Variants in FBXO11 observed in about 807,000 individuals in gnomAD.
The protein encoded by FBXO11 is F-box only protein 11.
Under a neutral mutation model 117.0 loss-of-function variants are expected in FBXO11, and 13 were observed. That is an observed-to-expected ratio of 0.11 (90% CI 0.07 to 0.18). The LOEUF (loss-of-function observed/expected upper bound fraction) is 0.18, where lower values mean the gene tolerates loss of function less well. Among genes scored for constraint, FBXO11 ranks in the 10% least tolerant of loss-of-function variants. The pLI is 1.00. For missense variants in FBXO11, 767 were observed against 1,164.4 expected (o/e 0.66, Z 4.97); for synonymous variants, 490 against 380.5 (o/e 1.29, Z -3.35).
chr2:47,834,960 T>C (rs1309845297), intron 5 of FBXO11, 89 bp from the exon 6 acceptor site: 2 of 887,220 alleles, frequency 2.3e-6, no homozygotes, highest in Admixed American at 2.7e-5. Context: ...CAACTTTTAT[T>C]ACAAATCAAA....
In FBXO11 at chr2:47,858,696, A is replaced by G. The variant is rs187413757; in HGVS notation, c.233-18927T>C. On this transcript the variant is annotated intron_variant, in intron 1 of 22. Transcript: ENST00000403359. ...GACTCTGCCTCAAAAAAAAAAAAAA[A>G]AAAAGAAAAGAAAAATGAAAAACAT... 6.2e-4 allele frequency among the ~76,000 whole-genome samples: 93 copies of G among 150,768 alleles called. No individual in the cohort carries two copies. In the East Asian group the frequency reaches 8.8e-3, roughly 14 times the overall value.
At chr2:47,835,640 GGT>G (rs1183787082) in intron 5 of FBXO11, among the ~76,000 whole-genome samples, 2 of 152,048 alleles carry the variant, frequency 1.3e-5, no homozygotes, top group East Asian at 3.9e-4. Context: ...TGGGACTACA[GGT>G]GTGCGCCACC....
intron 1 of FBXO11, among the ~76,000 whole-genome samples, chr2:47,848,385 C>T (rs1233076518): frequency 1.3e-5 from 2 of 152,090 alleles, no homozygotes; most frequent in African/African-American, 4.8e-5. Context: ...AGGTTGTGCA[C>T]TTCTTATGAG....
At chr2:47,869,001 T>A (rs1312735029) in intron 1 of FBXO11, among the ~76,000 whole-genome samples, 1 of 152,220 alleles carries the variant, frequency 6.6e-6, no homozygotes. Context: ...AACAAAGAAG[T>A]GGCCTTTTGA....
chr2:47,906,220 C>CT lies in FBXO11; in HGVS notation c.-501dup, dbSNP rs940389364. 9.5e-5 allele frequency: 16 copies of CT among 167,822 alleles called. No individual in the cohort carries two copies. Among genetic ancestry groups the CT allele is most frequent in the Middle Eastern group, 2.9e-3 (1 of 342 alleles). The allele number at this position is 167,822 out of a possible 1,614,324, so 10.4% of individuals were successfully genotyped here. A position where few individuals can be genotyped will look rare whatever the true frequency, so the allele number is the denominator to read the frequency against. ...GGGAGGGAGCAGGGGGCGCCCGGCT[C>CT]TTTTTTTTCCCTCTTCCTCCCCCCC... On this transcript the variant is annotated 5_prime_UTR_variant, in exon 1 of 23. Transcript: ENST00000403359.
intron 1 of FBXO11, among the ~76,000 whole-genome samples, chr2:47,904,728 G>A (rs181486510): frequency 6.6e-6 from 1 of 152,220 alleles, no homozygotes; most frequent in African/African-American, 2.4e-5. Flanking sequence ...CAGGCGAGGG[G>A]GTGTCGATAG....
chr2:47,889,228 C>T (rs1299923382), intron 1 of FBXO11, among the ~76,000 whole-genome samples: 1 of 152,128 alleles, frequency 6.6e-6, no homozygotes, highest in African/African-American at 2.4e-5. Context: ...TGCTTTTCTT[C>T]CTTCTTCAGC....
intron 1 of FBXO11, among the ~76,000 whole-genome samples, chr2:47,899,396 T>C (rs941244698): frequency 3.9e-5 from 6 of 151,932 alleles, no homozygotes; most frequent in African/African-American, 1.5e-4. Context: ...GCTGATACAA[T>C]CCCTTACTTT....
intron 1 of FBXO11, among the ~76,000 whole-genome samples, chr2:47,886,331 T>G (rs1483401621): frequency 1.3e-5 from 2 of 151,522 alleles, no homozygotes; most frequent in Non-Finnish European, 2.9e-5. Context: ...ATGGTGAAAC[T>G]CCCGTCTCTA....
Position 47,823,128 on chromosome 2 carries a change from A to C in FBXO11, c.1616+15T>G. On this transcript the variant is annotated intron_variant, in intron 12 of 22. Transcript: ENST00000403359. The stretch of plus-strand genomic sequence containing the variant: ...AGTGAAAAAGTAATTTTCACCCATA[A>C]TTATATGTAAATACCTTATTGTTGG... The C allele has an allele frequency of 6.4e-7, 1 of 1,567,586 alleles. No individual in the cohort carries two copies. Among genetic ancestry groups the C allele is most frequent in the Non-Finnish European group, 8.7e-7 (1 of 1,150,606 alleles).
chr2:47,835,644 T>C (rs1875407), intron 5 of FBXO11, among the ~76,000 whole-genome samples: 103,033 of 151,888 alleles, frequency 0.68, 35,604 homozygotes, highest in East Asian at 0.89. Context: ...ACTACAGGTG[T>C]GCGCCACCAT....
chr2:47,829,585 C>A (rs1672028763), intron 11 of FBXO11, among the ~76,000 whole-genome samples: 3 of 152,000 alleles, frequency 2.0e-5, no homozygotes, highest in Admixed American at 6.6e-5. Context: ...CAACTCTGCA[C>A]TGAACTGAGT....
chr2:47,830,341 G>T (rs1672086975), intron 11 of FBXO11, among the ~76,000 whole-genome samples: 2 of 151,976 alleles, frequency 1.3e-5, no homozygotes, highest in Admixed American at 6.6e-5. Context: ...TTCTCGCATG[G>T]CAAGAATTCA....
intron 4 of FBXO11, among the ~76,000 whole-genome samples, chr2:47,837,657 C>T (rs769129295): frequency 1.3e-4 from 20 of 152,186 alleles, no homozygotes; most frequent in Non-Finnish European, 2.6e-4. Flanking sequence ...AACAGTCTGC[C>T]ATATTTGCTT....
chr2:47,868,612 T>G (rs758227652), intron 1 of FBXO11, among the ~76,000 whole-genome samples: 1 of 152,206 alleles, frequency 6.6e-6, no homozygotes, highest in Non-Finnish European at 1.5e-5. Context: ...AAATTCCAGT[T>G]CCCCAACCAT....
At chr2:47,899,147 A>G (rs1677904937) in intron 1 of FBXO11, among the ~76,000 whole-genome samples, 2 of 151,854 alleles carry the variant, frequency 1.3e-5, no homozygotes, top group Admixed American at 6.6e-5. Context: ...GGTGGTGGGC[A>G]CCTGTAGTCC....
chr2:47,866,687 T>C (rs1217269304), intron 1 of FBXO11, among the ~76,000 whole-genome samples: 2 of 152,072 alleles, frequency 1.3e-5, no homozygotes, highest in Non-Finnish European at 2.9e-5. Flanking sequence ...TTGGCCAGGA[T>C]GGTCTCGATC....
intron 1 of FBXO11, among the ~76,000 whole-genome samples, chr2:47,885,664 G>A (rs530854090): frequency 6.6e-6 from 1 of 152,274 alleles, no homozygotes; most frequent in South Asian, 2.1e-4. Context: ...TACAAGACTT[G>A]GAAAAGATTG....
intron 1 of FBXO11, among the ~76,000 whole-genome samples, chr2:47,843,438 T>C (rs1673166121): frequency 6.6e-6 from 1 of 152,160 alleles, no homozygotes. Context: ...AATCTTTTTT[T>C]TTTTTTTGCC....
Sources: gnomAD v4.1 joint callset for allele counts (sites outside exome capture counted in the v4.1 genomes callset) on GRCh38, gnomAD v4.1.1 for gene constraint, MANE v1.5 for transcripts, NCBI Gene and HGNC (gene_info 2026-07-23, HGNC 2026-07-21) for gene names.